KLHL5: variants seen among roughly 807,000 people sequenced by gnomAD.
KLHL5 encodes kelch like family member 5.
KLHL5 carries 48 observed loss-of-function variants against 77.7 expected under a neutral mutation model. The ratio of observed to expected loss-of-function variants is 0.62; its 90% CI spans 0.49 to 0.79. The LOEUF is 0.79. KLHL5 is among the 30% of genes least tolerant of loss of function. KLHL5 has a pLI of 0.00. For synonymous variants in KLHL5, 260 were observed against 297.0 expected (o/e 0.88, Z 1.28); for missense variants, 723 against 859.7 (o/e 0.84, Z 1.99).
At chr4:39,078,816 G>A (rs1368365176) in intron 2 of KLHL5, among the ~76,000 whole-genome samples, 1 of 151,876 alleles carries the variant, frequency 6.6e-6, no homozygotes. Context: ...TTGGAGGATG[G>A]GTGCACCAAA....
At position 39,113,185 on chromosome 4, in the gene KLHL5, T is replaced by G. The variant is rs1298357998; in HGVS notation, c.1854T>G (p.Asp618Glu). 6.2e-7 allele frequency: 1 copy of G among 1,613,984 alleles called. No individual in the cohort carries two copies. The highest frequency in any genetic ancestry group is 1.1e-5 in the South Asian group (1 of 91,084). ...NGLLYAIGGH[D>E]APASNLTSRL... ...TGCTGTATGCTATAGGGGGGCACGATGCTCCCGCATCCAACTTGACTTCCA... is the reference window on the plus strand; with the variant it reads ...TGCTGTATGCTATAGGGGGGCACGAGGCTCCCGCATCCAACTTGACTTCCA... Residue 618 changes from aspartate (D) to glutamate (E), a missense_variant, in exon 9 of 11, where the codon GAT becomes GAG. By Grantham distance (45) the Asp-to-Glu change is conservative. This residue lies in a region of KLHL5 where 214 missense variants were observed against 237.4 expected (regional missense o/e 0.90). Coordinates refer to ENST00000504108, the MANE Select transcript of KLHL5 (RefSeq NM_015990.5).
intron 6 of KLHL5, among the ~76,000 whole-genome samples, chr4:39,102,882 TG>T (rs1160075980): frequency 6.6e-6 from 1 of 152,238 alleles, no homozygotes; most frequent in Non-Finnish European, 1.5e-5. Context: ...GTGACCTCTG[TG>T]TGGCTAAATC....
At chr4:39,047,453 G>A (rs370174479) in intron 1 of KLHL5, among the ~76,000 whole-genome samples, 3 of 152,170 alleles carry the variant, frequency 2.0e-5, no homozygotes, top group Non-Finnish European at 4.4e-5. Context: ...TATTCTTCAG[G>A]CAGTTCTTCA....
chr4:39,092,594 A>T (rs1720683318), intron 5 of KLHL5, among the ~76,000 whole-genome samples: 1 of 152,172 alleles, frequency 6.6e-6, no homozygotes, highest in South Asian at 2.1e-4. Context: ...GCGTGCATAG[A>T]AAAAAATGTG....
the KLHL5 span, among the ~76,000 whole-genome samples, chr4:39,143,053 A>G: frequency 6.6e-6 from 1 of 152,322 alleles, no homozygotes; most frequent in East Asian, 1.9e-4. Flanking sequence ...ACACACACAC[A>G]CAAGTGCATA....
At chr4:39,140,152 C>A in the KLHL5 span, among the ~76,000 whole-genome samples, 1 of 152,066 alleles carries the variant, frequency 6.6e-6, no homozygotes, top group South Asian at 2.1e-4. Context: ...TTGCTTGAAC[C>A]CAGGAGGTCG....
intron 1 of KLHL5, among the ~76,000 whole-genome samples, chr4:39,074,854 G>C (rs1279235705): frequency 1.3e-5 from 2 of 152,156 alleles, no homozygotes; most frequent in East Asian, 3.8e-4. Flanking sequence ...TGAGAACTAA[G>C]TTATGGCACA....
chr4:39,123,395 G>A lies in KLHL5; in HGVS notation c.*2329G>A, dbSNP rs886684521. Among the ~76,000 whole-genome samples, 3 of 152,164 alleles carry A rather than the reference G, an allele frequency of 2.0e-5. No homozygotes were observed. Among genetic ancestry groups the A allele is most frequent in the African/African-American group, 7.2e-5 (3 of 41,432 alleles). ...GGACATTACCTTAACACCAAAGCCAGACAAAGACCTCACAGGGAAGCTACA... is the reference window on the plus strand; with the variant it reads ...GGACATTACCTTAACACCAAAGCCAAACAAAGACCTCACAGGGAAGCTACA... On this transcript the variant is annotated 3_prime_UTR_variant, in exon 11 of 11. Coordinates refer to ENST00000504108, the MANE Select transcript of KLHL5 (RefSeq NM_015990.5).
chr4:39,073,349 T>C (rs1379238223), intron 1 of KLHL5, among the ~76,000 whole-genome samples: 1 of 151,394 alleles, frequency 6.6e-6, no homozygotes, highest in Non-Finnish European at 1.5e-5. Flanking sequence ...AACTTAACAT[T>C]GATTAGCATC....
At chr4:39,100,563 G>C (rs1223037083) in intron 6 of KLHL5, among the ~76,000 whole-genome samples, 1 of 152,138 alleles carries the variant, frequency 6.6e-6, no homozygotes, top group Admixed American at 6.5e-5. Flanking sequence ...CTAAGACTTG[G>C]AGAACTTAAG....
chr4:39,069,568 A>G (rs13146396), intron 1 of KLHL5, among the ~76,000 whole-genome samples: 107,092 of 144,642 alleles, frequency 0.74, 39,948 homozygotes, highest in East Asian at 0.83. Context: ...ATATATATAT[A>G]AACCATAGAG....
intron 8 of KLHL5, among the ~76,000 whole-genome samples, chr4:39,110,241 A>G (rs1722356518): frequency 6.6e-6 from 1 of 152,192 alleles, no homozygotes; most frequent in Admixed American, 6.5e-5. Flanking sequence ...CAGAAGAATA[A>G]ACTTTAAAGA....
At chr4:39,060,159 A>G (rs1183494715), upstream of KLHL5, among the ~76,000 whole-genome samples, 1 of 152,212 alleles carries the variant, frequency 6.6e-6, no homozygotes, top group Admixed American at 6.5e-5. Flanking sequence ...AAATTAGGTG[A>G]GAAGAGCAAA....
In KLHL5 at chr4:39,103,316, C is replaced by T. The variant is rs373453320; in HGVS notation, c.1330C>T (p.Arg444Cys). ...AACAAGCATTGAAAAGTATGATCTC[C>T]GTACAAATATGTGGACTCCAGTAGC... ...GATSIEKYDL[R>C]TNMWTPVANM... Residue 444 changes from arginine (R) to cysteine (C), a missense_variant, in exon 7 of 11, where the codon CGT becomes TGT. Physicochemically the swap from Arg to Cys is radical, Grantham distance 180 (BLOSUM62 -3). This residue lies in a region of KLHL5 where 288 missense variants were observed against 400.3 expected (regional missense o/e 0.72). Coordinates refer to ENST00000504108, the MANE Select transcript of KLHL5 (RefSeq NM_015990.5). 3.2e-5 allele frequency: 52 copies of T among 1,613,700 alleles called. No individual in the cohort carries two copies. The highest frequency in any genetic ancestry group is 1.3e-4 in the African/African-American group (10 of 75,000).
At chr4:39,077,195 A>G (rs111611237) in intron 2 of KLHL5, among the ~76,000 whole-genome samples, 2,299 of 152,220 alleles carry the variant, frequency 0.015, 52 homozygotes, top group African/African-American at 0.052. Context: ...GCGGTGGCTC[A>G]TGCCTGTAAT....
the KLHL5 span, among the ~76,000 whole-genome samples, chr4:39,131,887 CAAAAA>C: frequency 8.7e-6 from 1 of 114,530 alleles, no homozygotes; most frequent in Non-Finnish European, 1.8e-5. Flanking sequence ...GACCCTGTCT[CAAAAA>C]AAAAAAAAAA....
chr4:39,071,014 A>T (rs1200490162), intron 1 of KLHL5, among the ~76,000 whole-genome samples: 14 of 152,156 alleles, frequency 9.2e-5, no homozygotes, highest in Admixed American at 9.2e-4. Flanking sequence ...AGTAATGGTT[A>T]AAAATATATA....
At chr4:39,115,960 G>C (rs1016441552) in intron 10 of KLHL5, 2 of 985,988 alleles carry the variant, frequency 2.0e-6, no homozygotes, top group African/African-American at 3.5e-5. Context: ...TCAGTACTTG[G>C]TACATAAAAG....
chr4:39,122,800 G>A lies in KLHL5; in HGVS notation c.*1734G>A, dbSNP rs888109945. On this transcript the variant is annotated 3_prime_UTR_variant, in exon 11 of 11. Transcript: ENST00000504108. The stretch of plus-strand genomic sequence containing the variant: ...TGCACTCCAGCCTGGGTGACAGAGC[G>A]AGACTCCATCAAAAAAAAATAAATA... 3.3e-5 allele frequency among the ~76,000 whole-genome samples: 5 copies of A among 151,252 alleles called. No homozygotes were observed. The highest frequency in any genetic ancestry group is 1.3e-4 in the Admixed American group (2 of 15,178).
Sources: allele counts gnomAD v4.1 joint callset (sites outside exome capture counted in the v4.1 genomes callset), GRCh38; gene constraint gnomAD v4.1.1; regional missense constraint gnomAD v4.1.1; transcripts MANE v1.5; gene names NCBI Gene and HGNC (gene_info 2026-07-23, HGNC 2026-07-21).